CDK8: variants seen among roughly 807,000 people sequenced by gnomAD.
The protein encoded by CDK8 is cyclin-dependent kinase 8.
In CDK8, 29 loss-of-function variants were observed where a neutral mutation model predicts 71.5. That is an observed-to-expected ratio of 0.41 (90% CI 0.30 to 0.55). The LOEUF is 0.55. Ranked by LOEUF, CDK8 falls within the 20% of genes least tolerant of loss-of-function variation. CDK8 has a pLI of 0.37. For missense variants in CDK8, 288 were observed against 572.6 expected, an observed-to-expected ratio of 0.50 and a Z score of 5.07; for synonymous variants, 161 against 192.1, an observed-to-expected ratio of 0.84 and a Z score of 1.34.
intron 4 of CDK8, among the ~76,000 whole-genome samples, chr13:26,362,073 T>C (rs1874169102): frequency 6.6e-6 from 1 of 152,178 alleles, no homozygotes; most frequent in Admixed American, 6.5e-5. Context: ...TTTTGATGTA[T>C]TTTCTAAGAA....
chr13:26,336,676 C>A (rs1669309639), intron 1 of CDK8, among the ~76,000 whole-genome samples: 1 of 151,694 alleles, frequency 6.6e-6, no homozygotes, highest in South Asian at 2.1e-4. Context: ...GCCTCAGCCT[C>A]CCGAGTAGCT....
intron 1 of CDK8, among the ~76,000 whole-genome samples, chr13:26,332,865 C>T (rs866315999): frequency 2.6e-5 from 4 of 152,288 alleles, no homozygotes; most frequent in East Asian, 3.9e-4. Flanking sequence ...ACATACATTG[C>T]GTTGTCTCCT....
chr13:26,263,904 G>A (rs1871903652), intron 1 of CDK8, among the ~76,000 whole-genome samples: 2 of 151,878 alleles, frequency 1.3e-5, no homozygotes, highest in Non-Finnish European at 2.9e-5. Flanking sequence ...CCGCCACTAC[G>A]CCCGGCTAAT....
intron 6 of CDK8, among the ~76,000 whole-genome samples, chr13:26,386,550 T>G (rs1405394385): frequency 6.6e-6 from 1 of 152,202 alleles, no homozygotes; most frequent in African/African-American, 2.4e-5. Flanking sequence ...TTCCCTTTTT[T>G]ATTCCTCTGG....
intron 3 of CDK8, among the ~76,000 whole-genome samples, chr13:26,350,041 A>G (rs562009982): frequency 1.8e-4 from 28 of 152,206 alleles, no homozygotes; most frequent in Non-Finnish European, 3.8e-4. Flanking sequence ...ACAGGTTTGT[A>G]GCCTAGGAGC....
At chr13:26,400,601 T>C in intron 10 of CDK8, 51 bp downstream of exon 10, 1 of 1,035,290 alleles carries the variant, frequency 9.7e-7, no homozygotes, top group Non-Finnish European at 1.5e-6. Flanking sequence ...TTTTGGAGTA[T>C]GCTTTCTTCT....
chr13:26,256,784 T>C (rs1871543508), intron 1 of CDK8, among the ~76,000 whole-genome samples: 1 of 152,214 alleles, frequency 6.6e-6, no homozygotes, highest in Non-Finnish European at 1.5e-5. Flanking sequence ...AAAGAACTTA[T>C]TATTTGTAAT....
At chr13:26,400,332 G>A (rs1876195841) in intron 9 of CDK8, 121 bp from the exon 10 acceptor site, 1 of 663,392 alleles carries the variant, frequency 1.5e-6, no homozygotes, top group Non-Finnish European at 2.7e-6. Context: ...TTAATTTGGG[G>A]GAATAAATAT....
chr13:26,289,012 T>G (rs1321413695), intron 1 of CDK8, among the ~76,000 whole-genome samples: 1 of 151,418 alleles, frequency 6.6e-6, no homozygotes, highest in African/African-American at 2.4e-5. Context: ...GTGCTGGGTT[T>G]ACAGGCGTGA....
chr13:26,359,618 G>C, intron 4 of CDK8: 1 of 245,052 alleles, frequency 4.1e-6, no homozygotes, highest in Non-Finnish European at 8.5e-6. Context: ...ACATGGGCAA[G>C]GGCATGAGCG....
chr13:26,301,614 G>C (rs770401850), intron 1 of CDK8, among the ~76,000 whole-genome samples: 1 of 152,206 alleles, frequency 6.6e-6, no homozygotes. Flanking sequence ...GTTGACGTTA[G>C]AGCATTAGTA....
chr13:26,315,076 G>T (rs980735868), intron 1 of CDK8, among the ~76,000 whole-genome samples: 3 of 152,000 alleles, frequency 2.0e-5, no homozygotes, highest in African/African-American at 7.3e-5. Flanking sequence ...TCTGGGATTA[G>T]TCTAATTCTG....
At chr13:26,322,378 C>T (rs1261900317) in intron 1 of CDK8, among the ~76,000 whole-genome samples, 1 of 152,176 alleles carries the variant, frequency 6.6e-6, no homozygotes, top group Non-Finnish European at 1.5e-5. Context: ...TGCTCCCATT[C>T]ATTCACCTCC....
intron 4 of CDK8, among the ~76,000 whole-genome samples, chr13:26,371,956 A>T (rs1406949125): frequency 2.6e-5 from 4 of 152,150 alleles, no homozygotes; most frequent in African/African-American, 7.2e-5. Context: ...ACAAAATTTT[A>T]AAAATAAAGA....
At chr13:26,294,694 T>G (rs1165373771) in intron 1 of CDK8, among the ~76,000 whole-genome samples, 1 of 152,168 alleles carries the variant, frequency 6.6e-6, no homozygotes, top group African/African-American at 2.4e-5. Flanking sequence ...CTGTTGGCTA[T>G]TTGAAAGTCT....
At chr13:26,274,721 G>A (rs748712347) in intron 1 of CDK8, among the ~76,000 whole-genome samples, 2 of 152,154 alleles carry the variant, frequency 1.3e-5, no homozygotes, top group East Asian at 1.9e-4. Flanking sequence ...GTGAGCCACC[G>A]CGTCTGGCCT....
intron 1 of CDK8, among the ~76,000 whole-genome samples, chr13:26,319,154 C>T (rs1874644431): frequency 6.6e-6 from 1 of 152,092 alleles, no homozygotes; most frequent in Non-Finnish European, 1.5e-5. Context: ...TGAAGAAATT[C>T]TATTTATAAT....
chr13:26,322,070 C>T (rs1442587747), intron 1 of CDK8, among the ~76,000 whole-genome samples: 1 of 152,024 alleles, frequency 6.6e-6, no homozygotes, highest in East Asian at 1.9e-4. Flanking sequence ...GTCTTCCTGC[C>T]AGGAAGTCCC....
intron 1 of CDK8, among the ~76,000 whole-genome samples, chr13:26,336,550 CTTTTTTTT>C (rs1227344754): frequency 2.5e-5 from 3 of 121,204 alleles, no homozygotes; most frequent in African/African-American, 9.7e-5. Flanking sequence ...TCTGAGGAGT[CTTTTTTTT>C]TTTTTTTTTT....
Sources: allele counts gnomAD v4.1 joint callset (sites outside exome capture counted in the v4.1 genomes callset), GRCh38; gene constraint gnomAD v4.1.1; transcripts MANE v1.5; gene names NCBI Gene and HGNC (gene_info 2026-07-23, HGNC 2026-07-21).